Variants in CLSTN2 observed in about 807,000 individuals in gnomAD.
CLSTN2 encodes calsyntenin-2.
In CLSTN2, 48 loss-of-function variants were observed where a neutral mutation model predicts 101.2. The observed-to-expected ratio is 0.47, with a 90% CI of 0.38 to 0.60. CLSTN2 has a LOEUF of 0.60. Ranked by LOEUF, CLSTN2 falls within the 20% of genes least tolerant of loss-of-function variation. The pLI is 0.00. For synonymous variants in CLSTN2, 481 were observed against 463.6 expected (o/e 1.04, Z -0.48); for missense variants, 1,160 against 1,238.2 (o/e 0.94, Z 0.95).
intron 1 of CLSTN2, among the ~76,000 whole-genome samples, chr3:140,163,264 C>T (rs991537126): frequency 2.0e-5 from 3 of 152,078 alleles, no homozygotes; most frequent in Non-Finnish European, 4.4e-5. Flanking sequence ...GCTTTGACAG[C>T]AAAAACTGTC....
chr3:140,289,976 G>T (rs950606603), intron 2 of CLSTN2, among the ~76,000 whole-genome samples: 7 of 150,408 alleles, frequency 4.7e-5, no homozygotes, highest in African/African-American at 1.7e-4. Context: ...AAGGGTCTCA[G>T]AAGTCTCTTT....
At chr3:140,276,770 C>T (rs2086798502) in intron 2 of CLSTN2, among the ~76,000 whole-genome samples, 1 of 152,184 alleles carries the variant, frequency 6.6e-6, no homozygotes, top group Non-Finnish European at 1.5e-5. Flanking sequence ...TCTCCAGTAT[C>T]ACATAGAACG....
chr3:140,256,906 A>G (rs1443414886), intron 2 of CLSTN2, among the ~76,000 whole-genome samples: 2 of 152,194 alleles, frequency 1.3e-5, no homozygotes, highest in Non-Finnish European at 2.9e-5. Flanking sequence ...AGTGCACACT[A>G]GGCACTTGTT....
chr3:140,306,360 C>T (rs6792173), intron 2 of CLSTN2, among the ~76,000 whole-genome samples: 52,649 of 151,840 alleles, frequency 0.35, 10,612 homozygotes, highest in Non-Finnish European at 0.47. Context: ...GATGTAATTC[C>T]TTCCCACAGC....
At chr3:140,098,230 C>T (rs537447801) in intron 1 of CLSTN2, among the ~76,000 whole-genome samples, 10 of 152,298 alleles carry the variant, frequency 6.6e-5, no homozygotes, top group African/African-American at 2.4e-4. Flanking sequence ...ACTTCTACAA[C>T]CTGGTAGACA....
At chr3:139,998,716 C>G (rs991822017) in intron 1 of CLSTN2, among the ~76,000 whole-genome samples, 6 of 152,036 alleles carry the variant, frequency 3.9e-5, no homozygotes, top group African/African-American at 1.4e-4. Context: ...AGAGTGGTTA[C>G]CTTTCATAAA....
chr3:140,553,489 C>A (rs947750477), intron 10 of CLSTN2, among the ~76,000 whole-genome samples: 1 of 152,134 alleles, frequency 6.6e-6, no homozygotes, highest in Non-Finnish European at 1.5e-5. Context: ...TTTAAAGATG[C>A]CTTATGACCT....
intron 5 of CLSTN2, among the ~76,000 whole-genome samples, chr3:140,444,430 CA>C (rs11391949): frequency 0.21 from 29,628 of 143,152 alleles, 3,136 homozygotes; most frequent in South Asian, 0.32. Flanking sequence ...AACTCCGTCT[CA>C]AAAAAAAAAA....
rs536145048 is a variant in CLSTN2 at position 140,203,328 on chromosome 3, G to A, written c.232+27255G>A. 2.6e-5 allele frequency among the ~76,000 whole-genome samples: 4 copies of A among 152,218 alleles called. No homozygotes were observed. In the South Asian group the frequency reaches 8.3e-4, roughly 32 times the overall value. ...ACAAAAATCTGATTGAACTTGCTCA[G>A]TAGAAAATGGGAGGACATTAAAAAG... On this transcript the variant is annotated intron_variant, in intron 2 of 16. Coordinates refer to ENST00000458420, the MANE Select transcript of CLSTN2 (RefSeq NM_022131.3).
intron 8 of CLSTN2, among the ~76,000 whole-genome samples, chr3:140,509,238 A>T (rs904518544): frequency 6.6e-6 from 1 of 152,174 alleles, no homozygotes; most frequent in Non-Finnish European, 1.5e-5. Context: ...TGGTCCAAAA[A>T]TTTGGTAAAC....
chr3:140,199,024 G>A (rs1357583372), intron 2 of CLSTN2, among the ~76,000 whole-genome samples: 1 of 152,162 alleles, frequency 6.6e-6, no homozygotes. Flanking sequence ...GCCCCTGTGT[G>A]GGGAAATTAT....
At chr3:140,125,472 T>C (rs2009414578) in intron 1 of CLSTN2, among the ~76,000 whole-genome samples, 1 of 152,048 alleles carries the variant, frequency 6.6e-6, no homozygotes, top group African/African-American at 2.4e-5. Context: ...TGAGAGCAGA[T>C]ACCAGTGAGT....
At chr3:140,454,983 G>A (rs554894276) in intron 6 of CLSTN2, among the ~76,000 whole-genome samples, 86 of 152,246 alleles carry the variant, frequency 5.6e-4, no homozygotes, top group Non-Finnish European at 3.4e-4. Flanking sequence ...CTTCCCCTGA[G>A]ATTCTACATC....
At chr3:140,338,809 A>G (rs949969850) in intron 2 of CLSTN2, among the ~76,000 whole-genome samples, 3 of 152,196 alleles carry the variant, frequency 2.0e-5, no homozygotes, top group Non-Finnish European at 2.9e-5. Context: ...GAAGATGCTC[A>G]GTGAGCAGGT....
At chr3:140,513,756 G>C (rs930530693) in intron 8 of CLSTN2, among the ~76,000 whole-genome samples, 1 of 151,882 alleles carries the variant, frequency 6.6e-6, no homozygotes, top group African/African-American at 2.4e-5. Flanking sequence ...ATGTAAATCT[G>C]TCTGGGCCTG....
At chr3:140,378,482 C>T (rs2087944209) in intron 2 of CLSTN2, among the ~76,000 whole-genome samples, 2 of 152,240 alleles carry the variant, frequency 1.3e-5, no homozygotes, top group South Asian at 4.1e-4. Context: ...GAAGAGTGTT[C>T]TACTGACACT....
Position 139,988,413 on chromosome 3 carries a change from G to A in CLSTN2, c.109+52930G>A, listed in dbSNP as rs931981896. Among the ~76,000 whole-genome samples, 7 of 152,154 alleles carry A rather than the reference G, an allele frequency of 4.6e-5. No homozygotes were observed. The East Asian group carries it at 9.6e-4, about 21-fold the overall frequency. On this transcript the variant is annotated intron_variant, in intron 1 of 16. Transcript: ENST00000458420. ...CATAATGAGGAGAACTTCCACATAC[G>A]GTGACCACTTGGTCCATATCCCATG...
At chr3:140,365,206 G>A (rs2087772627) in intron 2 of CLSTN2, among the ~76,000 whole-genome samples, 1 of 152,088 alleles carries the variant, frequency 6.6e-6, no homozygotes, top group Non-Finnish European at 1.5e-5. Flanking sequence ...TTCATGGAAG[G>A]AACTAACAAA....
At chr3:140,351,587 A>G (rs1384780940) in intron 2 of CLSTN2, among the ~76,000 whole-genome samples, 1 of 152,208 alleles carries the variant, frequency 6.6e-6, no homozygotes, top group African/African-American at 2.4e-5. Context: ...CTGTGGGCCA[A>G]AAGGTCTCTA....
Sources: gnomAD v4.1 joint callset for allele counts (sites outside exome capture counted in the v4.1 genomes callset) on GRCh38, gnomAD v4.1.1 for gene constraint, MANE v1.5 for transcripts, NCBI Gene and HGNC (gene_info 2026-07-23, HGNC 2026-07-21) for gene names.